The following KCNN3 variants were observed in gnomAD, a reference collection of about 807,000 sequenced individuals.
The protein encoded by KCNN3 is small conductance calcium-activated potassium channel protein 3.
A neutral mutation model predicts 62.9 loss-of-function variants in KCNN3; 16 were observed. The observed-to-expected ratio is 0.25, with a 90% CI of 0.17 to 0.39. The LOEUF is 0.39. Among genes scored for constraint, KCNN3 ranks in the 10% least tolerant of loss-of-function variants. The pLI is 1.00. For synonymous variants in KCNN3, 370 were observed against 389.2 expected (o/e 0.95, Z 0.58); for missense variants, 599 against 949.4 (o/e 0.63, Z 4.85).
At chr1:154,745,496 T>G (rs1700919844) in intron 3 of KCNN3, among the ~76,000 whole-genome samples, 1 of 152,254 alleles carries the variant, frequency 6.6e-6, no homozygotes, top group African/African-American at 2.4e-5. Flanking sequence ...CACAGCTGGA[T>G]GCAACCTCTG....
At chr1:154,859,360 C>T (rs1652662808) in intron 1 of KCNN3, among the ~76,000 whole-genome samples, 2 of 152,254 alleles carry the variant, frequency 1.3e-5, no homozygotes, top group Admixed American at 6.5e-5. Flanking sequence ...GGAGGAGCCA[C>T]CACTTGCTGG....
At chr1:154,774,256 C>T (rs1648699694) in intron 2 of KCNN3, among the ~76,000 whole-genome samples, 1 of 152,198 alleles carries the variant, frequency 6.6e-6, no homozygotes, top group African/African-American at 2.4e-5. Flanking sequence ...GTCTAAACTT[C>T]CTTCTGGCCC....
intron 1 of KCNN3, among the ~76,000 whole-genome samples, chr1:154,852,389 TAG>T: frequency 6.9e-6 from 1 of 145,628 alleles, no homozygotes; most frequent in East Asian, 1.9e-4. Context: ...TTTTTTTTTT[TAG>T]AGAGATAGAG....
chr1:154,795,517 C>A (rs1252720223), intron 2 of KCNN3, among the ~76,000 whole-genome samples: 1 of 152,224 alleles, frequency 6.6e-6, no homozygotes, highest in African/African-American at 2.4e-5. Context: ...CTGTGCCACA[C>A]ATTCCCTGAG....
rs138893460 is a variant in KCNN3 at position 154,835,391 on chromosome 1, T to C, written c.934-13207A>G. On this transcript the variant is annotated intron_variant, in intron 1 of 7. Coordinates refer to ENST00000271915, the MANE Select transcript of KCNN3 (RefSeq NM_002249.6). ...TTGCTGCCAAAGGGTCTGAGAGAAT[T>C]GGGGCCCCCTTCCCGCCCTCTGCCC... Among the ~76,000 whole-genome samples, 1,188 of 152,250 alleles carry C rather than the reference T, an allele frequency of 7.8e-3. 16 individuals are homozygous for C. Among genetic ancestry groups the C allele is most frequent in the African/African-American group, 0.027 (1,127 of 41,530 alleles).
Position 154,733,041 on chromosome 1 carries a change from A to G in KCNN3, c.1552T>C (p.Tyr518His), listed in dbSNP as rs778873040. 3.1e-6 allele frequency: 5 copies of G among 1,613,644 alleles called. No homozygotes were observed. In the Admixed American group the frequency reaches 6.7e-5, roughly 22 times the overall value. Residue 518 changes from tyrosine (Y) to histidine (H), a missense_variant, in exon 4 of 8, where the codon TAC (tyrosine) becomes CAC (histidine). Tyr to His is a moderately conservative substitution (Grantham distance 83). Coordinates refer to ENST00000271915, the MANE Select transcript of KCNN3 (RefSeq NM_002249.6). Reference protein sequence around the residue: ...IGYGDMVPHTYCGKGVCLLTG... With the variant: ...IGYGDMVPHTHCGKGVCLLTG... ...AGGAGACAGACACCTTTCCCACAGT[A>G]TGTGTGGGGCACCATGTCCCCATAA... is the stretch of plus-strand genomic sequence containing the variant.
chr1:154,758,460 C>T (rs577670333), intron 3 of KCNN3, among the ~76,000 whole-genome samples: 47 of 152,224 alleles, frequency 3.1e-4, no homozygotes, highest in Non-Finnish European at 5.0e-4. Context: ...CATCTGGGCC[C>T]GTTGCAGCAT....
intron 2 of KCNN3, among the ~76,000 whole-genome samples, chr1:154,799,453 A>G (rs933268147): frequency 2.0e-5 from 3 of 152,174 alleles, no homozygotes; most frequent in African/African-American, 7.2e-5. Flanking sequence ...GGGCACCTCT[A>G]GAGATTATCC....
At chr1:154,824,558 A>C (rs1316753501) in intron 1 of KCNN3, among the ~76,000 whole-genome samples, 1 of 152,238 alleles carries the variant, frequency 6.6e-6, no homozygotes, top group Non-Finnish European at 1.5e-5. Context: ...ACTGGGGATC[A>C]ACTGGGGACA....
chr1:154,709,730 G>A (rs1700035909), intron 7 of KCNN3, among the ~76,000 whole-genome samples: 1 of 152,224 alleles, frequency 6.6e-6, no homozygotes, highest in Non-Finnish European at 1.5e-5. Context: ...GGAGGACAGG[G>A]TGACTTTAGA....
chr1:154,793,763 G>A (rs562205109), intron 2 of KCNN3, among the ~76,000 whole-genome samples: 3 of 152,252 alleles, frequency 2.0e-5, no homozygotes, highest in South Asian at 2.1e-4. Context: ...CCTCGTTAAC[G>A]TAGTTGACTA....
intron 2 of KCNN3, among the ~76,000 whole-genome samples, chr1:154,800,888 T>TGA (rs1557982887): frequency 3.3e-5 from 5 of 151,156 alleles, no homozygotes; most frequent in Non-Finnish European, 7.4e-5. Flanking sequence ...CTACAAAAAA[T>TGA]ACAAAGATTA....
intron 3 of KCNN3, among the ~76,000 whole-genome samples, chr1:154,768,592 T>A (rs1648403043): frequency 6.6e-6 from 1 of 152,014 alleles, no homozygotes; most frequent in Admixed American, 6.5e-5. Context: ...GCAAACGGGG[T>A]TAGGCCTTTG....
chr1:154,824,791 T>C (rs1651038620), intron 1 of KCNN3, among the ~76,000 whole-genome samples: 2 of 152,118 alleles, frequency 1.3e-5, no homozygotes. Flanking sequence ...GCTCTCTCCT[T>C]TGGGCCTCTT....
At chr1:154,783,798 G>A (rs1425384221) in intron 2 of KCNN3, among the ~76,000 whole-genome samples, 1 of 152,200 alleles carries the variant, frequency 6.6e-6, no homozygotes, top group African/African-American at 2.4e-5. Context: ...CAGGGACAGT[G>A]CTGAGACTGT....
chr1:154,865,439 G>A (rs770126865), intron 1 of KCNN3, among the ~76,000 whole-genome samples: 18 of 151,960 alleles, frequency 1.2e-4, no homozygotes, highest in African/African-American at 3.6e-4. Context: ...CATCTCTGCC[G>A]TTTGATCTCA....
At chr1:154,822,369 G>A (rs1159831482) in intron 1 of KCNN3, among the ~76,000 whole-genome samples, 185 bp from the exon 2 acceptor site, 1 of 152,214 alleles carries the variant, frequency 6.6e-6, no homozygotes, top group Non-Finnish European at 1.5e-5. Context: ...GCCCGGGCCG[G>A]CTCTGTCTCA....
At chr1:154,827,008 G>T (rs1049956116) in intron 1 of KCNN3, among the ~76,000 whole-genome samples, 1 of 152,132 alleles carries the variant, frequency 6.6e-6, no homozygotes, top group African/African-American at 2.4e-5. Context: ...GTCCATTCAC[G>T]ATTTCTGTCA....
intron 4 of KCNN3, 89 bp from the exon 5 acceptor site, chr1:154,726,115 G>T: frequency 2.1e-6 from 2 of 955,150 alleles, no homozygotes; most frequent in Non-Finnish European, 1.6e-6. Context: ...CGGCCACGGG[G>T]GTAATTTCCT....
Sources: allele counts gnomAD v4.1 joint callset (sites outside exome capture counted in the v4.1 genomes callset), GRCh38; gene constraint gnomAD v4.1.1; transcripts MANE v1.5; gene names NCBI Gene and HGNC (gene_info 2026-07-23, HGNC 2026-07-21).